Variants in MUSK observed in about 807,000 individuals in gnomAD.
MUSK encodes muscle, skeletal receptor tyrosine-protein kinase.
MUSK carries 55 observed loss-of-function variants against 88.7 expected under a neutral mutation model. That is an observed-to-expected ratio of 0.62 (90% CI 0.50 to 0.78). The LOEUF (loss-of-function observed/expected upper bound fraction) is 0.78. Ranked by LOEUF, MUSK falls within the 30% of genes least tolerant of loss-of-function variation. The pLI, the probability that MUSK is intolerant of heterozygous loss-of-function variation, is 0.00. For missense variants in MUSK, 1,015 were observed against 1,074.3 expected (o/e 0.94, Z 0.77); for synonymous variants, 387 against 391.9 (o/e 0.99, Z 0.15).
In MUSK at chr9:110,770,468, T is replaced by G. The variant is rs959823789; in HGVS notation, c.1184+2385T>G. ...ATATATTAATTATATAACATATAAT[T>G]AATATATAATTATAATTATAGTTTA... On this transcript the variant is annotated intron_variant, in intron 9 of 14. Transcript: ENST00000374448. Among the ~76,000 whole-genome samples the G allele has an allele frequency of 2.7e-5, 4 of 146,652 alleles. No homozygotes were observed. The South Asian group carries it at 8.4e-4, about 31-fold the overall frequency.
intron 1 of MUSK, among the ~76,000 whole-genome samples, chr9:110,675,562 CTTTTTTTTTTTT>C (rs10607243): frequency 1.6e-5 from 1 of 61,614 alleles, no homozygotes; most frequent in Non-Finnish European, 2.8e-5. Flanking sequence ...ATAGTCTTCC[CTTTTTTTTTTTT>C]TTTTTTTTTT....
chr9:110,683,546 G>A (rs963400514), intron 2 of MUSK, among the ~76,000 whole-genome samples: 2 of 152,012 alleles, frequency 1.3e-5, no homozygotes, highest in Non-Finnish European at 2.9e-5. Flanking sequence ...GTTTTTTGAG[G>A]AAACTTCAAA....
Position 110,785,531 on chromosome 9 carries a change from T to C in MUSK, c.1591T>C (p.Ser531Pro). Residue 531 changes from serine (S) to proline (P), a missense_variant, in exon 13 of 15, where the codon TCA (serine) becomes CCA (proline). Coordinates refer to ENST00000374448, the MANE Select transcript of MUSK (RefSeq NM_005592.4). ...RKQWKNKKRE[S>P]AAVTLTTLPS... ...TCTTGCCTGTCTTGCCTGCAGAGAA[T>C]CAGCAGCAGTAACCCTCACCACACT... 6.2e-7 allele frequency: 1 copy of C among 1,603,046 alleles called. No homozygotes were observed. The highest frequency in any genetic ancestry group is 1.1e-5 in the South Asian group (1 of 88,972).
chr9:110,737,750 G>A (rs771228533), intron 6 of MUSK, among the ~76,000 whole-genome samples: 2 of 152,064 alleles, frequency 1.3e-5, no homozygotes, highest in Non-Finnish European at 2.9e-5. Context: ...TCCTTTCTAT[G>A]TAGACTCCAT....
chr9:110,791,170 G>A (rs192411489), intron 14 of MUSK, among the ~76,000 whole-genome samples: 37 of 151,422 alleles, frequency 2.4e-4, no homozygotes, highest in Middle Eastern at 3.4e-3. Flanking sequence ...CGCAGAAGAC[G>A]GGTGATTTCT....
At chr9:110,698,531 T>C (rs1311614504) in intron 5 of MUSK, among the ~76,000 whole-genome samples, 1 of 152,182 alleles carries the variant, frequency 6.6e-6, no homozygotes, top group Non-Finnish European at 1.5e-5. Context: ...TTCTCATTCA[T>C]ATAGTTTTCT....
At chr9:110,683,681 G>T (rs771576874) in intron 2 of MUSK, among the ~76,000 whole-genome samples, 2 of 152,084 alleles carry the variant, frequency 1.3e-5, no homozygotes, top group Non-Finnish European at 2.9e-5. Flanking sequence ...CATTTTCACT[G>T]AGGTGAGATG....
At chr9:110,763,350 T>C (rs2077429249) in intron 8 of MUSK, among the ~76,000 whole-genome samples, 1 of 152,202 alleles carries the variant, frequency 6.6e-6, no homozygotes. Flanking sequence ...AATATTGCTT[T>C]AATAATTTTT....
Position 110,701,670 on chromosome 9 carries a change from A to T in MUSK, c.628+4204A>T, listed in dbSNP as rs1215963134. On this transcript the variant is annotated intron_variant, in intron 5 of 14. Transcript: ENST00000374448. Reference sequence around the variant, plus strand: ...CTCAGCTATTTATTTTATTTATTTTATTTTATTTTTTTTACTTTACTTTAT... The same window carrying T: ...CTCAGCTATTTATTTTATTTATTTTTTTTTATTTTTTTTACTTTACTTTAT... Among the ~76,000 whole-genome samples, 2 of 24,194 alleles carry T rather than the reference A, an allele frequency of 8.3e-5. 1 individual carries two copies. Among genetic ancestry groups the T allele is most frequent in the Non-Finnish European group, 1.5e-4 (2 of 13,120 alleles). The allele number at this position is 24,194 out of a possible 152,430, so 15.9% of individuals were successfully genotyped here. A position where few individuals can be genotyped will look rare whatever the true frequency, so the allele number is the denominator to read the frequency against.
intron 4 of MUSK, among the ~76,000 whole-genome samples, chr9:110,696,933 T>A (rs935110548): frequency 6.6e-5 from 10 of 151,594 alleles, no homozygotes; most frequent in Non-Finnish European, 1.3e-4. Context: ...TAGTTTTGTA[T>A]GTCTCACCAC....
chr9:110,701,363 A>T (rs1053741734), intron 5 of MUSK, among the ~76,000 whole-genome samples: 1 of 152,222 alleles, frequency 6.6e-6, no homozygotes, highest in African/African-American at 2.4e-5. Flanking sequence ...GTCAGGAAGG[A>T]AAATAGGGCA....
intron 5 of MUSK, among the ~76,000 whole-genome samples, chr9:110,708,091 CCTAT>C (rs34403055): frequency 0.19 from 27,538 of 148,538 alleles, 2,597 homozygotes; most frequent in Middle Eastern, 0.27. Context: ...ATAAATAATT[CCTAT>C]CTATCTATCT....
chr9:110,764,602 A>AC, intron 8 of MUSK, among the ~76,000 whole-genome samples: 1 of 99,946 alleles, frequency 1.0e-5, no homozygotes, highest in Non-Finnish European at 2.4e-5. Flanking sequence ...AGATAGATAG[A>AC]TTAGATAGAT....
intron 5 of MUSK, among the ~76,000 whole-genome samples, chr9:110,704,079 G>A (rs183506180): frequency 8.5e-5 from 13 of 152,232 alleles, no homozygotes; most frequent in Non-Finnish European, 1.2e-4. Flanking sequence ...TGGTATAGCC[G>A]CATGAAGGTT....
At chr9:110,727,948 G>A (rs548277489) in intron 5 of MUSK, among the ~76,000 whole-genome samples, 5 of 152,196 alleles carry the variant, frequency 3.3e-5, no homozygotes, top group East Asian at 1.9e-4. Flanking sequence ...TGGGGACTAC[G>A]TCTGACATGG....
intron 1 of MUSK, among the ~76,000 whole-genome samples, chr9:110,673,973 C>A (rs962321685): frequency 6.6e-6 from 1 of 152,032 alleles, no homozygotes; most frequent in African/African-American, 2.4e-5. Context: ...AAAGCATGAG[C>A]ATATTCTATA....
At chr9:110,766,539 T>C (rs538651172) in intron 8 of MUSK, among the ~76,000 whole-genome samples, 3 of 152,328 alleles carry the variant, frequency 2.0e-5, no homozygotes, top group Non-Finnish European at 2.9e-5. Context: ...AGTATAGCTG[T>C]GTTTCTTGGA....
chr9:110,777,459 C>T (rs548347844), intron 11 of MUSK, among the ~76,000 whole-genome samples: 8 of 152,060 alleles, frequency 5.3e-5, no homozygotes, highest in Non-Finnish European at 1.2e-4. Context: ...AAGAATGCTA[C>T]TGGTCCTAGT....
At chr9:110,690,098 A>G (rs1170179812) in intron 3 of MUSK, among the ~76,000 whole-genome samples, 1 of 99,880 alleles carries the variant, frequency 1.0e-5, no homozygotes, top group Non-Finnish European at 1.7e-5. Context: ...ATATTATATA[A>G]GTATAAATAT....
Sources: allele counts gnomAD v4.1 joint callset (sites outside exome capture counted in the v4.1 genomes callset), GRCh38; gene constraint gnomAD v4.1.1; transcripts MANE v1.5; gene names NCBI Gene and HGNC (gene_info 2026-07-23, HGNC 2026-07-21).